The following STXBP4 variants were observed in gnomAD, a reference collection of about 807,000 sequenced individuals.
STXBP4 encodes the protein syntaxin-binding protein 4.
STXBP4 carries 55 observed loss-of-function variants against 76.1 expected under a neutral mutation model. The observed-to-expected ratio is 0.72, with a 90% CI of 0.58 to 0.91. STXBP4 has a LOEUF of 0.91. STXBP4 is among the 40% of genes least tolerant of loss of function. The pLI is 0.00. For synonymous variants in STXBP4, 201 were observed against 220.2 expected (o/e 0.91, Z 0.77); for missense variants, 618 against 636.9 (o/e 0.97, Z 0.32).
At chr17:55,197,613 T>G in the STXBP4 span, among the ~76,000 whole-genome samples, 2,906 of 152,118 alleles carry the variant, frequency 0.019, 71 homozygotes, top group African/African-American at 0.058. Context: ...CGTGGTGGCA[T>G]GCACCTGTAG....
chr17:55,014,658 G>A (rs567094355), intron 8 of STXBP4, among the ~76,000 whole-genome samples: 74 of 152,286 alleles, frequency 4.9e-4, no homozygotes, highest in African/African-American at 1.8e-3. Context: ...CTTCAGTCCT[G>A]CTGCTGGATC....
chr17:55,012,648 T>C (rs1189285963), intron 8 of STXBP4, among the ~76,000 whole-genome samples: 4 of 152,210 alleles, frequency 2.6e-5, no homozygotes, highest in Non-Finnish European at 4.4e-5. Flanking sequence ...ATTTACCCTT[T>C]TCCTTCTCCT....
At chr17:55,111,909 T>C (rs2079723689) in intron 16 of STXBP4, among the ~76,000 whole-genome samples, 1 of 151,970 alleles carries the variant, frequency 6.6e-6, no homozygotes, top group African/African-American at 2.4e-5. Context: ...TGTTTGTTTG[T>C]TTGTTTGTTT....
At chr17:55,120,561 A>C (rs1363003503) in intron 16 of STXBP4, among the ~76,000 whole-genome samples, 1 of 152,208 alleles carries the variant, frequency 6.6e-6, no homozygotes, top group Non-Finnish European at 1.5e-5. Flanking sequence ...GGACAATTAG[A>C]CCCATTCAAA....
intron 16 of STXBP4, among the ~76,000 whole-genome samples, chr17:55,115,694 C>T (rs1567769107): frequency 6.6e-6 from 1 of 151,744 alleles, no homozygotes; most frequent in Non-Finnish European, 1.5e-5. Context: ...AATCTGTAAC[C>T]CAATCACAGT....
At chr17:55,029,065 A>G (rs1347087945) in intron 8 of STXBP4, among the ~76,000 whole-genome samples, 1 of 151,898 alleles carries the variant, frequency 6.6e-6, no homozygotes, top group Non-Finnish European at 1.5e-5. Flanking sequence ...AAAAAAGCAG[A>G]TTGGAGTAGT....
intron 17 of STXBP4, among the ~76,000 whole-genome samples, chr17:55,153,056 TC>T (rs1202792530): frequency 6.6e-6 from 1 of 152,154 alleles, no homozygotes; most frequent in Non-Finnish European, 1.5e-5. Flanking sequence ...TGGGTCTAGA[TC>T]CCGGCTCTAA....
At chr17:54,979,271 C>T (rs1179474198) in intron 1 of STXBP4, among the ~76,000 whole-genome samples, 2 of 152,094 alleles carry the variant, frequency 1.3e-5, no homozygotes, top group African/African-American at 4.8e-5. Context: ...TGAATTTTCA[C>T]TTTTAAGGGA....
intron 4 of STXBP4, among the ~76,000 whole-genome samples, chr17:54,993,583 G>T (rs1186559293): frequency 1.3e-5 from 2 of 152,114 alleles, no homozygotes; most frequent in Non-Finnish European, 2.9e-5. Context: ...ATACAAAATT[G>T]ATATAACTTT....
intron 17 of STXBP4, among the ~76,000 whole-genome samples, chr17:55,151,711 C>T (rs1043914344): frequency 6.6e-6 from 1 of 152,132 alleles, no homozygotes; most frequent in African/African-American, 2.4e-5. Flanking sequence ...GGCCACTTAC[C>T]ATCATATTTA....
chr17:55,081,038 T>C lies in STXBP4; in HGVS notation c.1356-12T>C. 4 of 1,459,014 alleles carry C rather than the reference T, an allele frequency of 2.7e-6. No individual in the cohort carries two copies. The highest frequency in any genetic ancestry group is 3.6e-6 in the Non-Finnish European group (4 of 1,106,054). The allele number at this position is 1,459,014 out of a possible 1,614,324, so 90.4% of individuals were successfully genotyped here. A position where few individuals can be genotyped will look rare whatever the true frequency, so the allele number is the denominator to read the frequency against. On this transcript the variant is annotated splice_polypyrimidine_tract_variant and intron_variant, in intron 15 of 17. Transcript: ENST00000376352. Reference sequence around the variant, plus strand: ...GTGTAGTAAGTTCAACTTTATTTTATTGCCTTCATAGTGAAAGAAGAGCTG... The same window carrying C: ...GTGTAGTAAGTTCAACTTTATTTTACTGCCTTCATAGTGAAAGAAGAGCTG...
chr17:55,019,983 C>A (rs1449336471), intron 8 of STXBP4, among the ~76,000 whole-genome samples: 1 of 152,060 alleles, frequency 6.6e-6, no homozygotes, highest in African/African-American at 2.4e-5. Flanking sequence ...CTTGGTGTAT[C>A]CAGGTGTTGA....
At chr17:55,036,359 A>G (rs2144706809) in intron 10 of STXBP4, among the ~76,000 whole-genome samples, 1 of 151,086 alleles carries the variant, frequency 6.6e-6, no homozygotes, top group South Asian at 2.1e-4. Flanking sequence ...TGATGTCAAT[A>G]TATCTTATAT....
At chr17:55,185,212 T>G in the STXBP4 span, among the ~76,000 whole-genome samples, 1 of 36,662 alleles carries the variant, frequency 2.7e-5, no homozygotes, top group Non-Finnish European at 5.5e-5. Flanking sequence ...TTCTTCTTCT[T>G]CTTCTTCTTC....
At chr17:55,183,469 A>G in the STXBP4 span, among the ~76,000 whole-genome samples, 2 of 152,164 alleles carry the variant, frequency 1.3e-5, no homozygotes, top group African/African-American at 4.8e-5. Flanking sequence ...AAATATGTAC[A>G]TACATTGGTT....
At chr17:55,024,870 G>A (rs989383109) in intron 8 of STXBP4, among the ~76,000 whole-genome samples, 3 of 152,140 alleles carry the variant, frequency 2.0e-5, no homozygotes, top group African/African-American at 7.2e-5. Flanking sequence ...GGGCACGGTG[G>A]CTCACACCTG....
intron 16 of STXBP4, among the ~76,000 whole-genome samples, chr17:55,140,448 C>G (rs559499666): frequency 6.6e-6 from 1 of 152,182 alleles, no homozygotes; most frequent in South Asian, 2.1e-4. Context: ...TCGTGATAAG[C>G]CAGTGTCAAA....
At chr17:55,175,825 T>C (rs573083784), downstream of STXBP4, among the ~76,000 whole-genome samples, 36 of 152,306 alleles carry the variant, frequency 2.4e-4, no homozygotes, top group Non-Finnish European at 4.3e-4. Flanking sequence ...TCTCACTCCC[T>C]CCTTTGTCTC....
chr17:55,070,254 A>G (rs997744247), intron 12 of STXBP4, among the ~76,000 whole-genome samples: 5 of 152,148 alleles, frequency 3.3e-5, no homozygotes, highest in African/African-American at 4.8e-5. Context: ...AGACATATCC[A>G]TGGCAGTGTG....
Sources: gnomAD v4.1 joint callset for allele counts (sites outside exome capture counted in the v4.1 genomes callset) on GRCh38, gnomAD v4.1.1 for gene constraint, MANE v1.5 for transcripts, NCBI Gene and HGNC (gene_info 2026-07-23, HGNC 2026-07-21) for gene names.